Variants in PTPRU observed in about 807,000 individuals in gnomAD.
PTPRU encodes the protein protein tyrosine phosphatase receptor type U.
Under a neutral mutation model 166.3 loss-of-function variants are expected in PTPRU, and 69 were observed. That is an observed-to-expected ratio of 0.41 (90% CI 0.34 to 0.51). The LOEUF is 0.51. PTPRU is among the 20% of genes least tolerant of loss of function. PTPRU has a pLI of 0.09. For synonymous variants in PTPRU, 793 were observed against 814.0 expected (o/e 0.97, Z 0.44); for missense variants, 1,657 against 2,013.7 (o/e 0.82, Z 3.39).
At chr1:29,304,078 G>T (rs760682543) in intron 16 of PTPRU, 33 bp downstream of exon 16, 1 of 1,584,464 alleles carries the variant, frequency 6.3e-7, no homozygotes, top group African/African-American at 1.3e-5. Flanking sequence ...CAGGATCCCT[G>T]CAGAGGCCTC....
intron 7 of PTPRU, among the ~76,000 whole-genome samples, chr1:29,269,018 C>T (rs914315551): frequency 2.0e-5 from 3 of 151,908 alleles, no homozygotes; most frequent in African/African-American, 7.3e-5. Context: ...GATTTCTCAT[C>T]CAGTGTTTTG....
chr1:29,322,476 A>G (rs1424815586), intron 26 of PTPRU, among the ~76,000 whole-genome samples: 1 of 152,134 alleles, frequency 6.6e-6, no homozygotes, highest in Non-Finnish European at 1.5e-5. Flanking sequence ...GATGTGTGGG[A>G]AGGGCAGAAT....
chr1:29,323,468 G>A lies in PTPRU; in HGVS notation c.3926G>A (p.Arg1309Gln), dbSNP rs760433196. The A allele has an allele frequency of 1.9e-6, 3 of 1,593,088 alleles. No homozygotes were observed. Among genetic ancestry groups the A allele is most frequent in the Admixed American group, 1.8e-5 (1 of 56,126 alleles). ...ACAGCTGATGAAGACTTAGTGGCTC[G>A]AGTCTTCCGGGTGCAGAACATCTCT... ...SGTADEDLVA[R>Q]VFRVQNISRL... Residue 1309 changes from arginine (R) to glutamine (Q), a missense_variant, in exon 27 of 30, where the codon CGA (arginine) becomes CAA (glutamine). By Grantham distance (43) the Arg-to-Gln change is conservative. Around this residue, in one of 3 missense-constraint regions of PTPRU, gnomAD observed 1,190 missense variants for 1,477.4 expected, o/e 0.81. Transcript: ENST00000373779.
At chr1:29,268,652 A>C (rs918506487) in intron 7 of PTPRU, among the ~76,000 whole-genome samples, 1 of 152,258 alleles carries the variant, frequency 6.6e-6, no homozygotes, top group Non-Finnish European at 1.5e-5. Flanking sequence ...GAAATGCATT[A>C]AATGCATGTG....
At position 29,317,504 on chromosome 1, in the gene PTPRU, G is replaced by A. The variant is rs1276274380; in HGVS notation, c.3514-244G>A. 6.6e-6 allele frequency among the ~76,000 whole-genome samples: 1 copy of A among 152,186 alleles called. No individual in the cohort carries two copies. Among genetic ancestry groups the A allele is most frequent in the Non-Finnish European group, 1.5e-5 (1 of 68,040 alleles). On this transcript the variant is annotated intron_variant, in intron 24 of 29. Transcript: ENST00000373779. The surrounding 1 kb of genome is among the most constrained non-coding windows in gnomAD (Gnocchi z 5.6). ...GAGGAAACTGAGGCTGAGAGATGCA[G>A]TAGCTTGTCTGAGGTTATGTGGGTG...
intron 18 of PTPRU, among the ~76,000 whole-genome samples, chr1:29,309,036 T>C (rs911450827): frequency 6.6e-6 from 1 of 152,200 alleles, no homozygotes; most frequent in Non-Finnish European, 1.5e-5. Flanking sequence ...GTTCCAGTGC[T>C]GAGGGCTGAG....
chr1:29,302,206 T>A (rs1412463623), intron 15 of PTPRU, among the ~76,000 whole-genome samples: 1 of 150,412 alleles, frequency 6.6e-6, no homozygotes, highest in South Asian at 2.1e-4. Context: ...ACAAAAAAAA[T>A]TTAAAAAACG....
At chr1:29,283,800 C>T in intron 12 of PTPRU, 140 bp from the exon 13 acceptor site, 1 of 1,006,472 alleles carries the variant, frequency 9.9e-7, no homozygotes. Flanking sequence ...CCAGGCCTGC[C>T]TTCGGGTGGG....
At position 29,255,383 on chromosome 1, in the gene PTPRU, G is replaced by C; in HGVS notation, c.182G>C (p.Arg61Pro). Residue 61 changes from arginine to proline, a missense_variant, in exon 2 of 30, where the codon CGG (arginine) becomes CCG (proline). By Grantham distance (103) the Arg-to-Pro change is moderately radical. Around this residue, in one of 3 missense-constraint regions of PTPRU, gnomAD observed 453 missense variants for 496.9 expected, o/e 0.91. Coordinates refer to ENST00000373779, the MANE Select transcript of PTPRU (RefSeq NM_133178.4). ...WEQVRIHPGT[R>P]APADLPHGSY... ...CAAGTGCGAATCCACCCTGGCACCC[G>C]GGCACCTGCGGACCTGCCCCACGGT... 6.2e-7 allele frequency: 1 copy of C among 1,614,054 alleles called. No individual in the cohort carries two copies.
At chr1:29,303,032 C>T (rs1307418750) in intron 15 of PTPRU, among the ~76,000 whole-genome samples, 1 of 152,220 alleles carries the variant, frequency 6.6e-6, no homozygotes, top group Non-Finnish European at 1.5e-5. Context: ...TGTAAATACA[C>T]TCTGTGGTGT....
At chr1:29,242,487 C>T (rs1177710796) in intron 1 of PTPRU, among the ~76,000 whole-genome samples, 3 of 152,224 alleles carry the variant, frequency 2.0e-5, no homozygotes, top group Non-Finnish European at 4.4e-5. Flanking sequence ...CCTCTACCTG[C>T]ATTCTCCAAT....
chr1:29,310,469 G>A (rs1427263789), intron 18 of PTPRU, among the ~76,000 whole-genome samples: 1 of 152,120 alleles, frequency 6.6e-6, no homozygotes, highest in East Asian at 1.9e-4. Context: ...TGGGTGGGGG[G>A]TCCCTCTAGG....
intron 1 of PTPRU, among the ~76,000 whole-genome samples, chr1:29,254,082 C>T (rs1424280218): frequency 2.0e-5 from 3 of 152,214 alleles, no homozygotes; most frequent in Admixed American, 2.0e-4. Context: ...TCCTCAGATC[C>T]TCAGTCACAT....
chr1:29,243,010 G>C (rs547775875), intron 1 of PTPRU, among the ~76,000 whole-genome samples: 13 of 151,996 alleles, frequency 8.6e-5, no homozygotes, highest in African/African-American at 2.9e-4. Flanking sequence ...CAATTCTTCA[G>C]CCTCAGCCTC....
At position 29,238,525 on chromosome 1, in the gene PTPRU, T is replaced by G. The variant is rs538709243; in HGVS notation, c.73+1808T>G. On this transcript the variant is annotated intron_variant, in intron 1 of 29. Transcript: ENST00000373779. The surrounding 1 kb of genome is among the most constrained non-coding windows in gnomAD (Gnocchi z 6.1). ...GGCATCGCGTTCGCGGCCCTGCTGC[T>G]GGCTCCGGTGTCTCGGGCCGGAACT... 1.7e-4 allele frequency among the ~76,000 whole-genome samples: 26 copies of G among 152,296 alleles called. No homozygotes were observed. The highest frequency in any genetic ancestry group is 5.8e-4 in the African/African-American group (24 of 41,582).
chr1:29,243,712 G>T (rs570951573), intron 1 of PTPRU, among the ~76,000 whole-genome samples: 4 of 152,356 alleles, frequency 2.6e-5, no homozygotes, highest in African/African-American at 7.2e-5. Flanking sequence ...GCCCCCAGGG[G>T]CTGAGCTGTG....
rs764491433 is a variant in PTPRU, at chr1:29,255,333, C to T, written c.132C>T (p.Ala44=). 1.9e-6 allele frequency: 3 copies of T among 1,614,118 alleles called. No individual in the cohort carries two copies. The Admixed American group carries it at 5.0e-5, about 27-fold the overall frequency. Residue 44 remains alanine, a synonymous_variant, in exon 2 of 30, where the codon GCC becomes GCT. Coordinates refer to ENST00000373779, the MANE Select transcript of PTPRU (RefSeq NM_133178.4). ...CAGTGCCCTGCGAGTACAGCCAGGC[C>T]CAGTACGATGACTTCCAGTGGGAGC... is the stretch of plus-strand genomic sequence containing the variant. ...DPAVPCEYSQ[A]QYDDFQWEQV...
rs1024112598 is a variant in PTPRU at position 29,320,121 on chromosome 1, G to T, written c.3688-564G>T. On this transcript the variant is annotated intron_variant, in intron 25 of 29. Transcript: ENST00000373779. The surrounding 1 kb of genome is among the most constrained non-coding windows in gnomAD (Gnocchi z 5.2). Reference sequence around the variant, plus strand: ...TCTGCTCTCCTGAACCTTGCTTTTAGCAGGTGGAGTGGGATAGTCAGGAAA... The same window carrying T: ...TCTGCTCTCCTGAACCTTGCTTTTATCAGGTGGAGTGGGATAGTCAGGAAA... 2.0e-5 allele frequency: 3 copies of T among 152,278 alleles called. No homozygotes were observed. Among genetic ancestry groups the T allele is most frequent in the African/African-American group, 7.2e-5 (3 of 41,434 alleles). 9.4% of individuals were successfully genotyped at this position (152,278 alleles called of 1,614,324 possible). A position where few individuals can be genotyped will look rare whatever the true frequency, so the allele number is the denominator to read the frequency against.
intron 1 of PTPRU, among the ~76,000 whole-genome samples, chr1:29,253,417 C>T (rs560241862): frequency 9.4e-4 from 143 of 152,110 alleles, no homozygotes; most frequent in African/African-American, 3.3e-3. Flanking sequence ...TCTGGAATGA[C>T]CCATGATTAG....
Sources: gnomAD v4.1 joint callset for allele counts (sites outside exome capture counted in the v4.1 genomes callset) on GRCh38, gnomAD v4.1.1 for gene constraint, gnomAD v4.1.1 regional missense constraint, Gnocchi (gnomAD v3.1) non-coding constraint, MANE v1.5 for transcripts, NCBI Gene and HGNC (gene_info 2026-07-23, HGNC 2026-07-21) for gene names.